TYW1: variants seen among roughly 807,000 people sequenced by gnomAD.
TYW1 encodes the protein S-adenosyl-L-methionine-dependent tRNA 4-demethylwyosine synthase TYW1.
TYW1 carries 46 observed loss-of-function variants against 96.2 expected under a neutral mutation model. The ratio of observed to expected loss-of-function variants is 0.48; its 90% CI spans 0.38 to 0.61. TYW1 has a LOEUF of 0.61. Among genes scored for constraint, TYW1 ranks in the 20% least tolerant of loss-of-function variants. The pLI, the probability that TYW1 is intolerant of heterozygous loss-of-function variation, is 0.00. For missense variants in TYW1, 684 were observed against 909.6 expected (o/e 0.75, Z 3.19); for synonymous variants, 274 against 323.0 (o/e 0.85, Z 1.63).
At chr7:67,168,203 TATG>T (rs1799410700) in intron 13 of TYW1, among the ~76,000 whole-genome samples, 1 of 151,038 alleles carries the variant, frequency 6.6e-6, no homozygotes, top group Non-Finnish European at 1.5e-5. Flanking sequence ...ATTCTGCTAA[TATG>T]GTGAATTGCA....
chr7:67,234,844 C>T (rs1475365331), intron 15 of TYW1, among the ~76,000 whole-genome samples: 1 of 151,900 alleles, frequency 6.6e-6, no homozygotes, highest in Non-Finnish European at 1.5e-5. Flanking sequence ...CAGCAGTTCT[C>T]TTATGAAGTG....
At chr7:67,226,373 C>T (rs1161840724) in intron 15 of TYW1, among the ~76,000 whole-genome samples, 4 of 152,148 alleles carry the variant, frequency 2.6e-5, no homozygotes, top group Admixed American at 6.5e-5. Context: ...CCTCCCTAAA[C>T]TGCCCCTAGG....
At chr7:67,044,003 A>G (rs1479650042) in intron 7 of TYW1, among the ~76,000 whole-genome samples, 1 of 152,048 alleles carries the variant, frequency 6.6e-6, no homozygotes, top group Non-Finnish European at 1.5e-5. Context: ...AAGTTATTAA[A>G]TATTAATAAT....
rs1432729873 is a variant in TYW1, at chr7:67,009,665, A to G, written c.356A>G (p.Asp119Gly). Residue 119 changes from aspartate (D) to glycine (G), a missense_variant, in exon 4 of 16, where the codon GAT (aspartate) becomes GGT (glycine). Coordinates refer to ENST00000359626, the MANE Select transcript of TYW1 (RefSeq NM_018264.4). ...ATTAATCTAAAAGAATATGATCCAG[A>G]TGATCATCTGATAGAAGAGGTTGGT... is the stretch of plus-strand genomic sequence containing the variant. ...AIINLKEYDPDDHLIEEVTSK... is the reference protein window; with the variant it reads ...AIINLKEYDPGDHLIEEVTSK... 2.5e-6 allele frequency: 4 copies of G among 1,608,552 alleles called. No homozygotes were observed. Among genetic ancestry groups the G allele is most frequent in the Admixed American group, 3.4e-5 (2 of 58,736 alleles).
In TYW1 at chr7:67,075,865, A is replaced by G. The variant is rs149491469; in HGVS notation, c.1275-7565A>G. ...TTCAAAGAGACTTTCCTCCCCATCT[A>G]ATTAAGAATAAATAGTAACTTCTCT... On this transcript the variant is annotated intron_variant, in intron 10 of 15. Coordinates refer to ENST00000359626, the MANE Select transcript of TYW1 (RefSeq NM_018264.4). Among the ~76,000 whole-genome samples the G allele has an allele frequency of 2.3e-3, 356 of 152,350 alleles. 1 individual carries two copies. The highest frequency in any genetic ancestry group is 7.8e-3 in the African/African-American group (325 of 41,582).
intron 11 of TYW1, among the ~76,000 whole-genome samples, chr7:67,085,043 C>T (rs1278326917): frequency 6.6e-6 from 1 of 152,036 alleles, no homozygotes; most frequent in Non-Finnish European, 1.5e-5. Flanking sequence ...AAAAATAGTC[C>T]CAGCCAAGAC....
chr7:67,063,025 A>G (rs1016762821), intron 9 of TYW1, among the ~76,000 whole-genome samples: 1 of 152,208 alleles, frequency 6.6e-6, no homozygotes, highest in East Asian at 1.9e-4. Flanking sequence ...TCTCTCAGGA[A>G]TTTAGATGTA....
chr7:67,158,792 C>T (rs1328082424), intron 13 of TYW1, among the ~76,000 whole-genome samples: 5 of 151,978 alleles, frequency 3.3e-5, no homozygotes, highest in Admixed American at 6.6e-5. Context: ...AGGATGGTCT[C>T]GATCTCCTGA....
intron 12 of TYW1, among the ~76,000 whole-genome samples, chr7:67,105,526 T>C (rs1797209567): frequency 6.6e-6 from 1 of 152,198 alleles, no homozygotes; most frequent in African/African-American, 2.4e-5. Flanking sequence ...TCTGGACTTT[T>C]GACTTTGAAA....
chr7:67,064,043 T>TA (rs1052482911), intron 9 of TYW1, among the ~76,000 whole-genome samples: 7 of 152,236 alleles, frequency 4.6e-5, no homozygotes, highest in African/African-American at 1.7e-4. Context: ...AAAATGCTGA[T>TA]AAAAAATAAA....
intron 10 of TYW1, among the ~76,000 whole-genome samples, chr7:67,074,193 A>G (rs1204002837): frequency 3.3e-5 from 5 of 152,170 alleles, no homozygotes; most frequent in Non-Finnish European, 7.4e-5. Flanking sequence ...TATGTTAGCC[A>G]TATGATTATG....
chr7:67,017,602 TA>T (rs757970460), intron 5 of TYW1, among the ~76,000 whole-genome samples: 4 of 152,134 alleles, frequency 2.6e-5, no homozygotes, highest in Non-Finnish European at 4.4e-5. Context: ...CTTCATTTGA[TA>T]AAGGGGGTTT....
At chr7:67,021,045 A>G (rs1794241920) in intron 6 of TYW1, among the ~76,000 whole-genome samples, 1 of 152,296 alleles carries the variant, frequency 6.6e-6, no homozygotes. Flanking sequence ...AATAAAAAAC[A>G]AATTTGTCAA....
chr7:67,139,713 A>C (rs1001979626), intron 13 of TYW1, among the ~76,000 whole-genome samples: 10 of 146,508 alleles, frequency 6.8e-5, no homozygotes, highest in African/African-American at 2.3e-4. Flanking sequence ...TGCATATTAC[A>C]TACCTGTGTA....
At chr7:67,013,739 C>CTTTTTTT (rs931500833) in intron 4 of TYW1, among the ~76,000 whole-genome samples, 8 of 97,538 alleles carry the variant, frequency 8.2e-5, no homozygotes, top group African/African-American at 1.7e-4. Flanking sequence ...GCATTTTTTC[C>CTTTTTTT]TTTTTTTTTT....
intron 13 of TYW1, among the ~76,000 whole-genome samples, chr7:67,127,925 C>G (rs2116036856): frequency 6.6e-6 from 1 of 152,088 alleles, no homozygotes; most frequent in South Asian, 2.1e-4. Context: ...TCATTCTTTC[C>G]TTTTCTATAG....
intron 12 of TYW1, among the ~76,000 whole-genome samples, chr7:67,099,426 G>A (rs1178190584): frequency 6.6e-6 from 1 of 152,106 alleles, no homozygotes; most frequent in African/African-American, 2.4e-5. Context: ...GTGGAGTTGG[G>A]GTATTTGTGA....
At position 67,117,605 on chromosome 7, in the gene TYW1, C is replaced by T. The variant is rs1204891639; in HGVS notation, c.1685C>T (p.Ala562Val). The T allele has an allele frequency of 1.2e-6, 2 of 1,611,234 alleles. No homozygotes were observed. Among genetic ancestry groups the T allele is most frequent in the East Asian group, 2.2e-5 (1 of 44,860 alleles). The change falls in exon 13 of 16, where the codon GCC becomes GTC. Residue 562 changes from alanine to valine, a missense_variant. By Grantham distance (64) the Ala-to-Val change is moderately conservative (BLOSUM62 0). Transcript: ENST00000359626. ...FWQRFLDSLKALAVKQQRTVY... is the reference protein window; with the variant it reads ...FWQRFLDSLKVLAVKQQRTVY... ...CAGAGATTCCTTGACAGTTTAAAAG[C>T]CTTGGCAGTCAAGGTAAGAATTATG... is the stretch of plus-strand genomic sequence containing the variant.
chr7:67,026,230 G>A (rs769797524), intron 7 of TYW1, among the ~76,000 whole-genome samples: 2 of 151,978 alleles, frequency 1.3e-5, no homozygotes, highest in African/African-American at 4.8e-5. Flanking sequence ...ATACCACCAC[G>A]CTGAGCTAAT....
Sources: gnomAD v4.1 joint callset for allele counts (sites outside exome capture counted in the v4.1 genomes callset) on GRCh38, gnomAD v4.1.1 for gene constraint, MANE v1.5 for transcripts, NCBI Gene and HGNC (gene_info 2026-07-23, HGNC 2026-07-21) for gene names.